SLC2A2: variants seen among roughly 807,000 people sequenced by gnomAD.
SLC2A2 encodes the protein solute carrier family 2, facilitated glucose transporter member 2.
In SLC2A2, 36 loss-of-function variants were observed where a neutral mutation model predicts 54.5. The ratio of observed to expected loss-of-function variants is 0.66; its 90% CI spans 0.51 to 0.87. The LOEUF is 0.87. SLC2A2 is among the 40% of genes least tolerant of loss of function. The probability of loss-of-function intolerance (pLI) is 0.00; values close to 1 mark genes in which losing one functional copy is unlikely to be tolerated. For synonymous variants in SLC2A2, 223 were observed against 219.1 expected (o/e 1.02, Z -0.16); for missense variants, 543 against 624.3 (o/e 0.87, Z 1.39).
chr3:171,017,530 A>G (rs1047993829), intron 2 of SLC2A2, among the ~76,000 whole-genome samples: 1 of 152,238 alleles, frequency 6.6e-6, no homozygotes, highest in Non-Finnish European at 1.5e-5. Flanking sequence ...AGGAAATATA[A>G]TGGACTTACA....
At chr3:171,009,044 C>G (rs1243238445) in intron 4 of SLC2A2, among the ~76,000 whole-genome samples, 2 of 152,052 alleles carry the variant, frequency 1.3e-5, no homozygotes, top group African/African-American at 4.8e-5. Flanking sequence ...ACTCCTTCCC[C>G]ATCCCCATGG....
chr3:171,014,464 C>A lies in SLC2A2; in HGVS notation c.371+5G>T. On this transcript the variant is annotated splice_donor_5th_base_variant and intron_variant, in intron 3 of 10. Coordinates refer to ENST00000314251, the MANE Select transcript of SLC2A2 (RefSeq NM_000340.2). Reference sequence around the variant, plus strand: ...TGTTTATGCTTATTTATGAAATTTGCCTACCTTCCAAGTGTGTCCCCAAGC... The same window carrying A: ...TGTTTATGCTTATTTATGAAATTTGACTACCTTCCAAGTGTGTCCCCAAGC... 2 of 1,613,874 alleles carry A rather than the reference C, an allele frequency of 1.2e-6. No homozygotes were observed. Among genetic ancestry groups the A allele is most frequent in the Non-Finnish European group, 1.7e-6 (2 of 1,179,822 alleles).
In SLC2A2 at chr3:170,996,901, A is replaced by C. The variant is rs1235144556; in HGVS notation, c.*1002T>G. 1 of 375,684 alleles carries C rather than the reference A, an allele frequency of 2.7e-6. No individual in the cohort carries two copies. The highest frequency in any genetic ancestry group is 4.7e-6 in the Non-Finnish European group (1 of 211,658). 23.3% of individuals were successfully genotyped at this position (375,684 alleles called of 1,614,324 possible). A position where few individuals can be genotyped will look rare whatever the true frequency, so the allele number is the denominator to read the frequency against. ...AGAAGCCCACACTCAGGAATCCTCAAACCCTACCTTTTCAACTTATTTTGA... is the reference window on the plus strand; with the variant it reads ...AGAAGCCCACACTCAGGAATCCTCACACCCTACCTTTTCAACTTATTTTGA... On this transcript the variant is annotated 3_prime_UTR_variant, in exon 11 of 11. Coordinates refer to ENST00000314251, the MANE Select transcript of SLC2A2 (RefSeq NM_000340.2).
chr3:171,002,259 C>G (rs990265019), intron 8 of SLC2A2, among the ~76,000 whole-genome samples: 2 of 151,896 alleles, frequency 1.3e-5, no homozygotes, highest in Non-Finnish European at 2.9e-5. Flanking sequence ...GGTTTATGTA[C>G]AGAGAAAAGA....
intron 1 of SLC2A2, among the ~76,000 whole-genome samples, chr3:171,021,602 A>G (rs1453869951): frequency 6.6e-6 from 1 of 152,178 alleles, no homozygotes; most frequent in African/African-American, 2.4e-5. Flanking sequence ...CCTGGGCAGC[A>G]TAGCGAGATC....
Position 170,996,943 on chromosome 3 carries a change from A to C in SLC2A2, c.*960T>G, listed in dbSNP as rs971689457. On this transcript the variant is annotated 3_prime_UTR_variant, in exon 11 of 11. Transcript: ENST00000314251. The stretch of plus-strand genomic sequence containing the variant: ...TTATTTTGAGACATAATAATTCAGA[A>C]AATATTTTTAACAAAGTGATCAATC... 7.2e-5 allele frequency: 22 copies of C among 304,540 alleles called. No homozygotes were observed. The highest frequency in any genetic ancestry group is 1.1e-4 in the Non-Finnish European group (18 of 167,318). 18.9% of individuals were successfully genotyped at this position (304,540 alleles called of 1,614,324 possible).
At position 171,018,643 on chromosome 3, in the gene SLC2A2, G is replaced by C. The variant is rs777468281; in HGVS notation, c.16-20C>G. 1.3e-6 allele frequency: 2 copies of C among 1,568,868 alleles called. No individual in the cohort carries two copies. Among genetic ancestry groups the C allele is most frequent in the East Asian group, 4.5e-5 (2 of 44,656 alleles). The stretch of plus-strand genomic sequence containing the variant: ...AGTGACCTGCAGGGGGCGAGACACA[G>C]GGCAGGGAAACACCAGGCAATTTTA... On this transcript the variant is annotated intron_variant, in intron 1 of 10. Transcript: ENST00000314251.
At chr3:171,006,211 A>T in intron 5 of SLC2A2, 106 bp from the exon 6 acceptor site, 6 of 1,014,578 alleles carry the variant, frequency 5.9e-6, no homozygotes, top group Non-Finnish European at 8.8e-6. Context: ...AGTCTCTGAC[A>T]ACTTTGGTTC....
rs971645829 is a variant in SLC2A2 at position 171,002,438 on chromosome 3, C to T, written c.1068+138G>A. On this transcript the variant is annotated intron_variant, in intron 8 of 10. Transcript: ENST00000314251. ...TGGCTTATTCAAACAGGACTCTTCTCATGACTCACTTGGGTTTACACACTT... is the reference window on the plus strand; with the variant it reads ...TGGCTTATTCAAACAGGACTCTTCTTATGACTCACTTGGGTTTACACACTT... 5.8e-6 allele frequency: 4 copies of T among 693,740 alleles called. No individual in the cohort carries two copies. In the African/African-American group the frequency reaches 7.1e-5, roughly 12 times the overall value. 43.0% of individuals were successfully genotyped at this position (693,740 alleles called of 1,614,324 possible).
intron 6 of SLC2A2, 55 bp downstream of exon 6, chr3:171,005,888 A>C (rs765461873): frequency 6.6e-6 from 10 of 1,526,298 alleles, no homozygotes; most frequent in Non-Finnish European, 9.1e-6. Context: ...ACTGTTTTAC[A>C]TTAGCTGATA....
intron 4 of SLC2A2, 126 bp from the exon 5 acceptor site, chr3:171,007,389 CT>C (rs2108246594): frequency 1.4e-6 from 1 of 697,784 alleles, no homozygotes; most frequent in African/African-American, 1.8e-5. Flanking sequence ...AGGATGAACC[CT>C]TGTTCCTAGG....
intron 6 of SLC2A2, 99 bp from the exon 7 acceptor site, chr3:171,005,571 G>C: frequency 1.1e-6 from 1 of 923,600 alleles, no homozygotes; most frequent in Non-Finnish European, 1.7e-6. Flanking sequence ...ATGCCCCATT[G>C]TATTACTTAA....
chr3:171,005,936 GACTT>G lies in SLC2A2; in HGVS notation c.775+3_775+6del. 1 of 1,611,164 alleles carries G rather than the reference GACTT, an allele frequency of 6.2e-7. No individual in the cohort carries two copies. Among genetic ancestry groups the G allele is most frequent in the African/African-American group, 1.3e-5 (1 of 74,892 alleles). On this transcript the variant is annotated splice_donor_5th_base_variant and intron_variant, in intron 6 of 10. Coordinates refer to ENST00000314251, the MANE Select transcript of SLC2A2 (RefSeq NM_000340.2). ...TAGGAAGAAAGAAAAACCATCCACA[GACTT>G]ACTTTGTTTTGCTTTGACTTCCTCA...
chr3:171,016,340 G>C (rs1716147571), intron 2 of SLC2A2, among the ~76,000 whole-genome samples: 1 of 152,126 alleles, frequency 6.6e-6, no homozygotes, highest in Admixed American at 6.5e-5. Context: ...GGAGGCTGAG[G>C]CAAGAGAATT....
In SLC2A2 at chr3:171,019,677, CA is replaced by C. The variant is rs1716361855; in HGVS notation, c.16-1055del. ...TACATCATAATACATACATCAGATA[CA>C]TGTAATATGCTATGCAGCAGTTAAA... is the stretch of plus-strand genomic sequence containing the variant. On this transcript the variant is annotated intron_variant, in intron 1 of 10. Coordinates refer to ENST00000314251, the MANE Select transcript of SLC2A2 (RefSeq NM_000340.2). Among the ~76,000 whole-genome samples, 10 of 152,230 alleles carry C rather than the reference CA, an allele frequency of 6.6e-5. No individual in the cohort carries two copies. The East Asian group carries it at 1.5e-3, about 24-fold the overall frequency.
At chr3:171,023,215 G>C (rs1716542631) in intron 1 of SLC2A2, among the ~76,000 whole-genome samples, 1 of 152,212 alleles carries the variant, frequency 6.6e-6, no homozygotes, top group Non-Finnish European at 1.5e-5. Context: ...AGGTTGGTCA[G>C]ATAAGGAGCA....
intron 3 of SLC2A2, among the ~76,000 whole-genome samples, chr3:171,010,350 C>T (rs928895479): frequency 1.3e-5 from 2 of 152,062 alleles, no homozygotes; most frequent in Non-Finnish European, 2.9e-5. Flanking sequence ...GACAGGGTCT[C>T]ACTCGCTCTG....
chr3:170,999,462 A>G (rs919690190), intron 8 of SLC2A2, among the ~76,000 whole-genome samples: 6 of 152,122 alleles, frequency 3.9e-5, no homozygotes, highest in African/African-American at 1.4e-4. Flanking sequence ...CTCCAGGATT[A>G]TCACTTTGGG....
At chr3:171,002,967 A>G (rs762138450) in intron 7 of SLC2A2, among the ~76,000 whole-genome samples, 11 of 152,066 alleles carry the variant, frequency 7.2e-5, no homozygotes, top group Admixed American at 1.3e-4. Context: ...TATAATATAC[A>G]TAGAAAAGTA....
Sources: gnomAD v4.1 joint callset for allele counts (sites outside exome capture counted in the v4.1 genomes callset) on GRCh38, gnomAD v4.1.1 for gene constraint, MANE v1.5 for transcripts, NCBI Gene and HGNC (gene_info 2026-07-23, HGNC 2026-07-21) for gene names.